Variants in PCNX4 observed in about 807,000 individuals in gnomAD.
PCNX4 encodes the protein pecanex-like protein 4.
PCNX4 carries 103 observed loss-of-function variants against 107.2 expected under a neutral mutation model. That is an observed-to-expected ratio of 0.96 (90% CI 0.82 to 1.13). The LOEUF (loss-of-function observed/expected upper bound fraction) is 1.13, where lower values mean the gene tolerates loss of function less well. Ranked by LOEUF, PCNX4 falls within the 50% of genes most tolerant of loss-of-function variation. The probability of loss-of-function intolerance (pLI) is 0.00; values close to 1 mark genes in which losing one functional copy is unlikely to be tolerated. For synonymous variants in PCNX4, 541 were observed against 481.7 expected (o/e 1.12, Z -1.61); for missense variants, 1,528 against 1,379.4 (o/e 1.11, Z -1.71).
rs1895318712 is a variant in PCNX4, at chr14:60,092,378, C to CT, written c.-94dup. The stretch of plus-strand genomic sequence containing the variant: ...GAGTTTACCTGCAAAAATGCGGTCC[C>CT]TGGGATGCCTTCGCGTCTTCTCTTC... On this transcript the variant is annotated 5_prime_UTR_variant, in exon 1 of 11. An upstream open reading frame in the 5' UTR loses its in-frame stop. Coordinates refer to ENST00000406854, the MANE Select transcript of PCNX4 (RefSeq NM_001330177.2). The CT allele has an allele frequency of 6.6e-6, 1 of 152,300 alleles. No homozygotes were observed. The highest frequency in any genetic ancestry group is 1.5e-5 in the Non-Finnish European group (1 of 68,070). The allele number at this position is 152,300 out of a possible 1,614,324, so 9.4% of individuals were successfully genotyped here.
intron 8 of PCNX4, among the ~76,000 whole-genome samples, chr14:60,122,063 T>G (rs1303102075): frequency 6.6e-6 from 1 of 152,148 alleles, no homozygotes; most frequent in African/African-American, 2.4e-5. Flanking sequence ...GTTTAACTCC[T>G]TTTTCACTTG....
chr14:60,115,397 A>G lies in PCNX4; in HGVS notation c.1293A>G (p.Val431=). The change falls in exon 4 of 11, where the codon GTA becomes GTG. Residue 431 remains valine (V), a synonymous_variant. Coordinates refer to ENST00000406854, the MANE Select transcript of PCNX4 (RefSeq NM_001330177.2). ...FYPKDVQTVT[V]FFEKQTRLMK... ...CGAAGGATGTGCAAACTGTGACTGT[A>G]TTCTTTGAGAAGCAAACTAGGCTCA... is the stretch of plus-strand genomic sequence containing the variant. 1.3e-6 allele frequency: 2 copies of G among 1,574,156 alleles called. No homozygotes were observed. The highest frequency in any genetic ancestry group is 8.6e-7 in the Non-Finnish European group (1 of 1,162,110).
intron 8 of PCNX4, among the ~76,000 whole-genome samples, chr14:60,122,552 C>T (rs781660299): frequency 2.0e-5 from 3 of 152,020 alleles, no homozygotes; most frequent in East Asian, 3.9e-4. Flanking sequence ...TTTAAAATTA[C>T]ACTCCCACTC....
rs1436849759 is a variant in PCNX4 at position 60,147,942 on chromosome 14, T to C, written c.*13721T>C. On this transcript the variant is annotated 3_prime_UTR_variant, in exon 11 of 11. Transcript: ENST00000406854. ...TTTAAAACTCAGGTATACTCTTTGA[T>C]GAAACTCTACCTTTAGAGCTTCTAC... The C allele has an allele frequency of 6.6e-6, 1 of 152,236 alleles. No homozygotes were observed. Among genetic ancestry groups the C allele is most frequent in the African/African-American group, 2.4e-5 (1 of 41,456 alleles). The allele number at this position is 152,236 out of a possible 1,614,324, so 9.4% of individuals were successfully genotyped here.
intron 1 of PCNX4, among the ~76,000 whole-genome samples, chr14:60,096,599 C>T (rs554554267): frequency 3.9e-5 from 6 of 152,354 alleles, no homozygotes; most frequent in African/African-American, 1.2e-4. Flanking sequence ...GTTAGTGCCA[C>T]ATAGCCAATA....
chr14:60,145,057 T>C lies in PCNX4; in HGVS notation c.*10836T>C. 1 of 1,340,322 alleles carries C rather than the reference T, an allele frequency of 7.5e-7. No individual in the cohort carries two copies. Among genetic ancestry groups the C allele is most frequent in the Non-Finnish European group, 1.0e-6 (1 of 1,001,584 alleles). The allele number at this position is 1,340,322 out of a possible 1,614,324, so 83.0% of individuals were successfully genotyped here. A position where few individuals can be genotyped will look rare whatever the true frequency, so the allele number is the denominator to read the frequency against. ...AACATGGATCAGTACCTACTCCTAT[T>C]TACTCCAGTTTTTAACATTTAAGTC... On this transcript the variant is annotated 3_prime_UTR_variant, in exon 11 of 11. Coordinates refer to ENST00000406854, the MANE Select transcript of PCNX4 (RefSeq NM_001330177.2). The surrounding 1 kb of genome is among the most constrained non-coding windows in gnomAD (Gnocchi z 4.0).
At chr14:60,096,477 T>C (rs1895427532) in intron 1 of PCNX4, among the ~76,000 whole-genome samples, 1 of 152,146 alleles carries the variant, frequency 6.6e-6, no homozygotes, top group African/African-American at 2.4e-5. Flanking sequence ...CCAACAAGAT[T>C]GTAAATGAAA....
chr14:60,100,714 A>G (rs186863861), intron 1 of PCNX4, among the ~76,000 whole-genome samples: 1 of 152,378 alleles, frequency 6.6e-6, no homozygotes, highest in African/African-American at 2.4e-5. Context: ...GTCATGCCCT[A>G]CAAATCATAA....
At chr14:60,100,360 G>T (rs1417190664) in intron 1 of PCNX4, among the ~76,000 whole-genome samples, 1 of 152,034 alleles carries the variant, frequency 6.6e-6, no homozygotes, top group Non-Finnish European at 1.5e-5. Flanking sequence ...GTGTAATCGC[G>T]CCATCTTGGC....
At position 60,121,279 on chromosome 14, in the gene PCNX4, T is replaced by TA; in HGVS notation, c.2027dup (p.Tyr676Ter). ...WIMILECGYT[Y>*]CSINIKGLEL... The stretch of plus-strand genomic sequence containing the variant: ...AATGATTCTGGAATGTGGCTATACT[T>TA]ACTGCTCTATTAACATTAAGGTCAG... The change falls in exon 8 of 11, where the codon TAC (tyrosine) becomes TAAC (stop). Residue 676 changes from tyrosine to a stop codon, truncating the protein, a stop_gained and frameshift_variant. Transcript: ENST00000406854. LOFTEE classifies it high-confidence loss of function. 1 of 1,611,372 alleles carries TA rather than the reference T, an allele frequency of 6.2e-7. No homozygotes were observed. The highest frequency in any genetic ancestry group is 1.7e-5 in the Admixed American group (1 of 59,826).
chr14:60,115,589 T>C (rs1485127812), intron 4 of PCNX4, 128 bp downstream of exon 4: 2 of 1,376,118 alleles, frequency 1.5e-6, no homozygotes, highest in East Asian at 2.3e-5. Flanking sequence ...TATGTTATGG[T>C]TTTTTGTTTA....
intron 10 of PCNX4, among the ~76,000 whole-genome samples, chr14:60,127,242 G>A (rs1896071456): frequency 6.6e-6 from 1 of 152,184 alleles, no homozygotes; most frequent in African/African-American, 2.4e-5. Flanking sequence ...ACTGTAAACT[G>A]GCTAGATTTT....
chr14:60,092,525 CAT>C (rs1180045765), intron 1 of PCNX4, 106 bp downstream of exon 1: 1 of 152,252 alleles, frequency 6.6e-6, no homozygotes, highest in Admixed American at 6.5e-5. Context: ...CCACAAGAAA[CAT>C]ATTTTTCGTT....
intron 1 of PCNX4, among the ~76,000 whole-genome samples, chr14:60,105,537 C>CT (rs371320613): frequency 6.1e-4 from 92 of 152,056 alleles, no homozygotes; most frequent in Middle Eastern, 6.8e-3. Flanking sequence ...TGTGTGTACT[C>CT]TTTTTTTTGG....
intron 1 of PCNX4, among the ~76,000 whole-genome samples, chr14:60,098,166 A>G (rs1015372193): frequency 3.9e-5 from 6 of 152,126 alleles, no homozygotes; most frequent in Non-Finnish European, 7.3e-5. Context: ...CAGCCCCGAG[A>G]TAACCTTCCC....
In PCNX4 at chr14:60,115,116, A is replaced by T. The variant is rs1468018322; in HGVS notation, c.1012A>T (p.Thr338Ser). 5 of 1,613,754 alleles carry T rather than the reference A, an allele frequency of 3.1e-6. No individual in the cohort carries two copies. The highest frequency in any genetic ancestry group is 4.2e-6 in the Non-Finnish European group (5 of 1,179,856). The change falls in exon 4 of 11, where the codon ACC becomes TCC. Residue 338 changes from threonine (T) to serine (S), a missense_variant. Transcript: ENST00000406854. Reference protein sequence around the residue: ...NLSDMGHKIGTKSKDLPSGPE... With the variant: ...NLSDMGHKIGSKSKDLPSGPE... ...AAGTGATATGGGTCACAAAATTGGA[A>T]CCAAATCTAAGGATTTACCCAGTGG...
In PCNX4 at chr14:60,139,798, G is replaced by T. The variant is rs1368587638; in HGVS notation, c.*5577G>T. 1 of 151,868 alleles carries T rather than the reference G, an allele frequency of 6.6e-6. No individual in the cohort carries two copies. Among genetic ancestry groups the T allele is most frequent in the Non-Finnish European group, 1.5e-5 (1 of 67,908 alleles). 9.4% of individuals were successfully genotyped at this position (151,868 alleles called of 1,614,324 possible). On this transcript the variant is annotated 3_prime_UTR_variant, in exon 11 of 11. Transcript: ENST00000406854. ...AAATTCTATTAAGTTCATAAATTAA[G>T]AAATACACTTTTAAATAACTCATGG... is the stretch of plus-strand genomic sequence containing the variant.
intron 10 of PCNX4, among the ~76,000 whole-genome samples, chr14:60,131,632 T>A (rs369595613): frequency 3.9e-5 from 6 of 152,222 alleles, no homozygotes; most frequent in African/African-American, 1.4e-4. Flanking sequence ...TCTCCAAATA[T>A]ATCTACAGAT....
rs868026362 is a variant in PCNX4, at chr14:60,139,977, C to G, written c.*5756C>G. On this transcript the variant is annotated 3_prime_UTR_variant, in exon 11 of 11. Transcript: ENST00000406854. ...TAAAAAAAAAAGATTGAAAATGAAC[C>G]TAGTAGTTAAAATATTCTAAGAATA... The G allele has an allele frequency of 6.7e-6, 1 of 150,190 alleles. No individual in the cohort carries two copies. Among genetic ancestry groups the G allele is most frequent in the East Asian group, 1.9e-4 (1 of 5,140 alleles). 9.3% of individuals were successfully genotyped at this position (150,190 alleles called of 1,614,324 possible). A position where few individuals can be genotyped will look rare whatever the true frequency, so the allele number is the denominator to read the frequency against.
Sources: allele counts gnomAD v4.1 joint callset (sites outside exome capture counted in the v4.1 genomes callset), GRCh38; gene constraint gnomAD v4.1.1; non-coding constraint Gnocchi (gnomAD v3.1); transcripts MANE v1.5; gene names NCBI Gene and HGNC (gene_info 2026-07-23, HGNC 2026-07-21).